Variants in RRBP1 observed in about 807,000 individuals in gnomAD.
RRBP1 encodes ribosome-binding protein 1.
Under a neutral mutation model 165.2 loss-of-function variants are expected in RRBP1, and 94 were observed. The observed-to-expected ratio is 0.57, with a 90% CI of 0.48 to 0.68. The LOEUF is 0.68. RRBP1 is among the 30% of genes least tolerant of loss of function. RRBP1 has a pLI of 0.00. For synonymous variants in RRBP1, 680 were observed against 714.5 expected (o/e 0.95, Z 0.77); for missense variants, 1,676 against 1,763.0 (o/e 0.95, Z 0.88).
chr20:17,631,523 T>C (rs2036150298), intron 8 of RRBP1, among the ~76,000 whole-genome samples: 1 of 152,288 alleles, frequency 6.6e-6, no homozygotes, highest in Non-Finnish European at 1.5e-5. Flanking sequence ...TGTCTTTGCC[T>C]TGAAGAGAAT....
At chr20:17,630,261 A>G (rs1315411922) in intron 8 of RRBP1, among the ~76,000 whole-genome samples, 1 of 152,218 alleles carries the variant, frequency 6.6e-6, no homozygotes, top group African/African-American at 2.4e-5. Flanking sequence ...GCAAGAGTCC[A>G]AAGATACTGA....
At chr20:17,658,269 C>T (rs932958990) in intron 3 of RRBP1, among the ~76,000 whole-genome samples, 1 of 152,168 alleles carries the variant, frequency 6.6e-6, no homozygotes, top group African/African-American at 2.4e-5. Context: ...TCTGTTGTAA[C>T]TATGAAGGGC....
At chr20:17,640,029 A>T (rs2036322496) in intron 5 of RRBP1, among the ~76,000 whole-genome samples, 1 of 152,182 alleles carries the variant, frequency 6.6e-6, no homozygotes, top group African/African-American at 2.4e-5. Flanking sequence ...CAAGAAGACA[A>T]TGTAAAATAC....
rs6034877 is a variant in RRBP1 at position 17,652,715 on chromosome 20, A to T, written c.1912+5881T>A. 9.5e-3 allele frequency among the ~76,000 whole-genome samples: 1,452 copies of T among 152,272 alleles called. 15 individuals carry two copies. Among genetic ancestry groups the T allele is most frequent in the African/African-American group, 0.032 (1,325 of 41,558 alleles). ...CCAGACTGACAGGAAGCTCAGCCCC[A>T]GCAGAGGGGCAACGAGGCACAAGGC... is the stretch of plus-strand genomic sequence containing the variant. On this transcript the variant is annotated intron_variant, in intron 3 of 24. Transcript: ENST00000377813.
chr20:17,616,781 G>T lies in RRBP1; in HGVS notation c.3818C>A (p.Ala1273Asp), dbSNP rs752578231. ...GGGCGCCTCTGGGGAGGAAGCTGGG[G>T]CCCCAGCTATGTCACCATCCTCTAC... is the stretch of plus-strand genomic sequence containing the variant. ...SHVEDGDIAGAPASSPEAPPA... is the reference protein window; with the variant it reads ...SHVEDGDIAGDPASSPEAPPA... The change falls in exon 21 of 25, where the codon GCC becomes GAC. Residue 1273 changes from alanine to aspartate, a missense_variant. Transcript: ENST00000377813. 1 of 1,612,762 alleles carries T rather than the reference G, an allele frequency of 6.2e-7. No individual in the cohort carries two copies. Among genetic ancestry groups the T allele is most frequent in the Non-Finnish European group, 8.5e-7 (1 of 1,179,600 alleles).
At chr20:17,649,213 G>A (rs1490828602) in intron 3 of RRBP1, among the ~76,000 whole-genome samples, 2 of 152,190 alleles carry the variant, frequency 1.3e-5, no homozygotes, top group Non-Finnish European at 2.9e-5. Context: ...AACTGAGTTA[G>A]GTTCAAAAGA....
At chr20:17,630,519 G>A (rs932180828) in intron 8 of RRBP1, among the ~76,000 whole-genome samples, 2 of 152,218 alleles carry the variant, frequency 1.3e-5, no homozygotes, top group African/African-American at 2.4e-5. Context: ...GTATCTCAGA[G>A]ACATTTCCTC....
chr20:17,629,492 G>A (rs1361667320), intron 9 of RRBP1, among the ~76,000 whole-genome samples: 1 of 152,112 alleles, frequency 6.6e-6, no homozygotes, highest in Non-Finnish European at 1.5e-5. Context: ...GGCTTGGGAG[G>A]GAAGCAGTGC....
At chr20:17,650,101 T>C (rs1343820332) in intron 3 of RRBP1, among the ~76,000 whole-genome samples, 1 of 152,018 alleles carries the variant, frequency 6.6e-6, no homozygotes, top group Non-Finnish European at 1.5e-5. Flanking sequence ...CCATCAGCTT[T>C]GGTATAATGA....
In RRBP1 at chr20:17,659,113, A is replaced by C. The variant is rs13036566; in HGVS notation, c.1395T>G (p.Ala465=). The stretch of plus-strand genomic sequence containing the variant: ...CTTCTACTTTTTTGCCCTGGTTCTG[A>C]GCACCCTCGGCCTTCTTGCCCTGGT... ...AQNQGKKAEG[A]QNQGKKVEGA... The change falls in exon 3 of 25, where the codon GCT becomes GCG. Residue 465 remains alanine, a synonymous_variant. Transcript: ENST00000377813. 9.6e-7 allele frequency: 1 copy of C among 1,037,456 alleles called. No individual in the cohort carries two copies. The highest frequency in any genetic ancestry group is 4.3e-5 in the African/African-American group (1 of 23,022). 64.3% of individuals were successfully genotyped at this position (1,037,456 alleles called of 1,614,324 possible).
At position 17,618,688 on chromosome 20, in the gene RRBP1, G is replaced by C. The variant is rs1469701344; in HGVS notation, c.3676-9C>G. On this transcript the variant is annotated splice_polypyrimidine_tract_variant and intron_variant, in intron 19 of 24. Coordinates refer to ENST00000377813, the MANE Select transcript of RRBP1 (RefSeq NM_001365613.2). ...AGGAGAAGTTGCCTCAGCTTGGGGAGAAAACAGAGGCGGGTGATGGGAAAA... is the reference window on the plus strand; with the variant it reads ...AGGAGAAGTTGCCTCAGCTTGGGGACAAAACAGAGGCGGGTGATGGGAAAA... The C allele has an allele frequency of 1.2e-6, 2 of 1,608,076 alleles. No homozygotes were observed. Among genetic ancestry groups the C allele is most frequent in the African/African-American group, 1.3e-5 (1 of 74,930 alleles).
At chr20:17,628,974 C>A (rs1025450652) in intron 9 of RRBP1, among the ~76,000 whole-genome samples, 1 of 152,136 alleles carries the variant, frequency 6.6e-6, no homozygotes, top group Non-Finnish European at 1.5e-5. Context: ...CATTCACCAT[C>A]CATCCCCGAC....
chr20:17,658,726 G>A lies in RRBP1; in HGVS notation c.1782C>T (p.Ala594=), dbSNP rs766039905. The A allele has an allele frequency of 1.4e-5, 22 of 1,614,022 alleles. No individual in the cohort carries two copies. The highest frequency in any genetic ancestry group is 1.0e-4 in the Admixed American group (6 of 60,008). The change falls in exon 3 of 25, where the codon GCC becomes GCT. Residue 594 remains alanine (A), a synonymous_variant. Transcript: ENST00000377813. ...CTGACTCTGTCTTTTTACCCTGATTGGCAGCTGCGTCTGCCTTTTTGCCTT... is the reference window on the plus strand; with the variant it reads ...CTGACTCTGTCTTTTTACCCTGATTAGCAGCTGCGTCTGCCTTTTTGCCTT... ...PNQGKKADAA[A]NQGKKTESAS... is the part of the protein sequence containing the mutation.
chr20:17,681,448 A>G (rs970983179), intron 1 of RRBP1, among the ~76,000 whole-genome samples: 1 of 144,082 alleles, frequency 6.9e-6, no homozygotes, highest in African/African-American at 2.5e-5. Context: ...AGCCCCGCGA[A>G]GCGCCAGCGG....
At chr20:17,622,936 G>C (rs1276692765) in intron 13 of RRBP1, 1 of 152,282 alleles carries the variant, frequency 6.6e-6, no homozygotes, top group African/African-American at 2.4e-5. Flanking sequence ...CCCAGCCTGA[G>C]CGCAGCGCCC....
At chr20:17,660,870 A>G (rs2036753352) in intron 2 of RRBP1, among the ~76,000 whole-genome samples, 3 of 152,348 alleles carry the variant, frequency 2.0e-5, no homozygotes, top group Admixed American at 1.3e-4. Context: ...GCACAGGAGC[A>G]CAAACACAGG....
Position 17,619,684 on chromosome 20 carries a change from G to C in RRBP1, c.3624C>G (p.His1208Gln). Residue 1208 changes from histidine (H) to glutamine (Q), a missense_variant, in exon 19 of 25, where the codon CAC becomes CAG. Around this residue, in one of 5 missense-constraint regions of RRBP1, gnomAD observed 1,184 missense variants for 1,167.1 expected, o/e 1.01. Transcript: ENST00000377813. ...GGCACTCGGCGCTGGCGGCCGCCAT[G>C]TGCTTTTCCAGCTCTGCCTCCAAAT... ...TSHLEAELEK[H>Q]MAAASAECQN... The C allele has an allele frequency of 6.2e-7, 1 of 1,613,044 alleles. No homozygotes were observed. The highest frequency in any genetic ancestry group is 8.5e-7 in the Non-Finnish European group (1 of 1,179,864).
At chr20:17,629,802 C>A in intron 9 of RRBP1, 21 bp downstream of exon 9, 6 of 1,587,288 alleles carry the variant, frequency 3.8e-6, no homozygotes, top group Non-Finnish European at 5.1e-6. Context: ...GAACCCCCGG[C>A]CCCACTGCCG....
intron 13 of RRBP1, 34 bp from the exon 14 acceptor site, chr20:17,621,981 C>T: frequency 2.6e-6 from 4 of 1,568,116 alleles, no homozygotes; most frequent in Non-Finnish European, 3.5e-6. Context: ...GGAAGGTGTT[C>T]AGCTGTGGAG....
Sources: allele counts gnomAD v4.1 joint callset (sites outside exome capture counted in the v4.1 genomes callset), GRCh38; gene constraint gnomAD v4.1.1; regional missense constraint gnomAD v4.1.1; transcripts MANE v1.5; gene names NCBI Gene and HGNC (gene_info 2026-07-23, HGNC 2026-07-21).